The following GLI3 variants were observed in gnomAD, a reference collection of about 807,000 sequenced individuals.
GLI3 encodes the protein GLI family zinc finger 3.
GLI3 carries 20 observed loss-of-function variants against 100.8 expected under a neutral mutation model. The ratio of observed to expected loss-of-function variants is 0.20; its 90% confidence interval spans 0.14 to 0.29. The LOEUF (loss-of-function observed/expected upper bound fraction) is 0.29. Ranked by LOEUF, GLI3 falls within the 10% of genes least tolerant of loss-of-function variation. GLI3 has a pLI of 1.00. For synonymous variants in GLI3, 938 were observed against 860.5 expected (o/e 1.09, Z -1.58); for missense variants, 2,040 against 2,128.5 (o/e 0.96, Z 0.82).
At chr7:41,982,764 C>A (rs1787709613) in intron 10 of GLI3, among the ~76,000 whole-genome samples, 1 of 151,906 alleles carries the variant, frequency 6.6e-6, no homozygotes, top group Non-Finnish European at 1.5e-5. Context: ...ATCTGAGGGC[C>A]TATATCACAG....
intron 3 of GLI3, among the ~76,000 whole-genome samples, chr7:42,078,264 T>C (rs994000892): frequency 4.6e-5 from 7 of 152,222 alleles, no homozygotes; most frequent in African/African-American, 9.7e-5. Flanking sequence ...TTCTCTATTT[T>C]CCAAATTTTC....
chr7:42,045,498 A>G lies in GLI3; in HGVS notation c.712T>C (p.Tyr238His), dbSNP rs1784227392. 6.2e-7 allele frequency: 1 copy of G among 1,614,090 alleles called. No individual in the cohort carries two copies. The highest frequency in any genetic ancestry group is 8.5e-7 in the Non-Finnish European group (1 of 1,179,960). ...PHAGVSPAEYYHQMALLTGQR... is the reference protein window; with the variant it reads ...PHAGVSPAEYHHQMALLTGQR... ...CCAGTTAGCAGGGCCATCTGATGAT[A>G]GTATTCTGCTGGGCTGACTCCTGCA... The change falls in exon 6 of 15, where the codon TAT (tyrosine) becomes CAT (histidine). Residue 238 changes from tyrosine (Y) to histidine (H), a missense_variant. By Grantham distance (83) the Tyr-to-His change is moderately conservative (BLOSUM62 2). Around this residue, in one of 5 missense-constraint regions of GLI3, gnomAD observed 603 missense variants for 690.9 expected, o/e 0.87. Transcript: ENST00000395925.
intron 3 of GLI3, among the ~76,000 whole-genome samples, chr7:42,112,960 G>A (rs1331319172): frequency 5.3e-5 from 8 of 152,148 alleles, no homozygotes; most frequent in Admixed American, 5.2e-4. Flanking sequence ...ATCACTTGAG[G>A]TCAGGAGTTC....
intron 7 of GLI3, among the ~76,000 whole-genome samples, chr7:42,029,046 T>C (rs573035053): frequency 2.0e-5 from 3 of 152,278 alleles, no homozygotes; most frequent in South Asian, 2.1e-4. Flanking sequence ...GCAAGGGCTA[T>C]GAGGGAACAC....
Position 41,972,306 on chromosome 7 carries a change from T to C in GLI3, c.2103+31A>G. ...ACCTGGCTCTTTTAAATGGGCCTGC[T>C]GTGAAGTCAGAAGGAGAGTGAATGA... On this transcript the variant is annotated intron_variant, in intron 13 of 14. Transcript: ENST00000395925. This position sits in a 1 kb window ranked among gnomAD's most constrained non-coding sequence, Gnocchi z 4.4. The C allele has an allele frequency of 6.2e-7, 1 of 1,605,164 alleles. No homozygotes were observed. Among genetic ancestry groups the C allele is most frequent in the Non-Finnish European group, 8.5e-7 (1 of 1,172,420 alleles).
At chr7:42,095,934 G>C (rs1003289893) in intron 3 of GLI3, among the ~76,000 whole-genome samples, 1 of 152,178 alleles carries the variant, frequency 6.6e-6, no homozygotes, top group South Asian at 2.1e-4. Flanking sequence ...GCAGTTAAGG[G>C]ATGAGGGGAG....
intron 5 of GLI3, 39 bp downstream of exon 5, chr7:42,048,452 C>T: frequency 7.5e-7 from 1 of 1,332,842 alleles, no homozygotes; most frequent in Non-Finnish European, 1.1e-6. Flanking sequence ...GGGGAGGAGG[C>T]TGCATGATCT....
At chr7:42,118,464 A>C (rs1373430678) in intron 3 of GLI3, 1 of 395,472 alleles carries the variant, frequency 2.5e-6, no homozygotes, top group African/African-American at 2.1e-5. Flanking sequence ...AACACACAGC[A>C]ACTAGAGACC....
At chr7:42,110,324 G>A (rs1293041467) in intron 3 of GLI3, among the ~76,000 whole-genome samples, 1 of 152,100 alleles carries the variant, frequency 6.6e-6, no homozygotes, top group Non-Finnish European at 1.5e-5. Context: ...CCCAAATAAA[G>A]GTGCATCTCC....
chr7:42,107,081 C>T (rs1040701881), intron 3 of GLI3, among the ~76,000 whole-genome samples: 9 of 152,104 alleles, frequency 5.9e-5, no homozygotes, highest in Non-Finnish European at 8.8e-5. Context: ...TTTGGGAGGC[C>T]GAGGCTGGCA....
chr7:42,031,105 C>T lies in GLI3; in HGVS notation c.1029-4693G>A, dbSNP rs537842363. Among the ~76,000 whole-genome samples, 53 of 152,256 alleles carry T rather than the reference C, an allele frequency of 3.5e-4. No individual in the cohort carries two copies. In the Middle Eastern group the frequency reaches 0.014, roughly 39 times the overall value. On this transcript the variant is annotated intron_variant, in intron 7 of 14. Coordinates refer to ENST00000395925, the MANE Select transcript of GLI3 (RefSeq NM_000168.6). Reference sequence around the variant, plus strand: ...AAACCTTGGTACCTGTGCTTCCCATCCTCATAGCCTCCATGTTTCTGTTCA... The same window carrying T: ...AAACCTTGGTACCTGTGCTTCCCATTCTCATAGCCTCCATGTTTCTGTTCA...
intron 3 of GLI3, chr7:42,145,626 A>AAG (rs1231374226): frequency 3.8e-5 from 15 of 393,018 alleles, no homozygotes; most frequent in Non-Finnish European, 4.5e-5. Context: ...AAGAAAGAAA[A>AAG]AAAAAAAAAA....
intron 13 of GLI3, among the ~76,000 whole-genome samples, chr7:41,968,153 G>A (rs888923083): frequency 2.2e-4 from 33 of 152,220 alleles, no homozygotes; most frequent in African/African-American, 6.3e-4. Flanking sequence ...GCTAGCTGCA[G>A]TGTGACTGGC....
intron 4 of GLI3, among the ~76,000 whole-genome samples, chr7:42,055,024 T>TACAC (rs79873184): frequency 0.25 from 34,929 of 137,284 alleles, 4,630 homozygotes; most frequent in African/African-American, 0.34. Flanking sequence ...TATATACATA[T>TACAC]ACACATATAT....
chr7:42,030,919 A>G (rs913592393), intron 7 of GLI3, among the ~76,000 whole-genome samples: 2 of 152,042 alleles, frequency 1.3e-5, no homozygotes, highest in African/African-American at 4.8e-5. Context: ...GGGTTTCACC[A>G]TGTTGGCCAG....
At chr7:42,147,578 T>A (rs1336058619) in intron 3 of GLI3, among the ~76,000 whole-genome samples, 1 of 152,232 alleles carries the variant, frequency 6.6e-6, no homozygotes, top group East Asian at 1.9e-4. Flanking sequence ...TTCTTTATAT[T>A]CTGCCGTTGG....
At chr7:42,111,851 G>A (rs138242056) in intron 3 of GLI3, among the ~76,000 whole-genome samples, 175 of 152,250 alleles carry the variant, frequency 1.1e-3, no homozygotes, top group African/African-American at 4.0e-3. Flanking sequence ...CGGGTAAGCT[G>A]GAAAAACACT....
chr7:41,978,868 T>G, intron 10 of GLI3, 120 bp from the exon 11 acceptor site: 1 of 871,976 alleles, frequency 1.1e-6, no homozygotes, highest in East Asian at 2.6e-5. Context: ...CAAGAATAAC[T>G]TTACCATATT....
At chr7:42,110,936 G>A (rs1394521803) in intron 3 of GLI3, among the ~76,000 whole-genome samples, 1 of 152,164 alleles carries the variant, frequency 6.6e-6, no homozygotes, top group Non-Finnish European at 1.5e-5. Flanking sequence ...AGAACGACAA[G>A]AGTCCAGAAC....
Sources: gnomAD v4.1 joint callset for allele counts (sites outside exome capture counted in the v4.1 genomes callset) on GRCh38, gnomAD v4.1.1 for gene constraint, gnomAD v4.1.1 regional missense constraint, Gnocchi (gnomAD v3.1) non-coding constraint, MANE v1.5 for transcripts, NCBI Gene and HGNC (gene_info 2026-07-23, HGNC 2026-07-21) for gene names.